Variants in CFAP299 observed in about 807,000 individuals in gnomAD.
The protein encoded by CFAP299 is cilia- and flagella-associated protein 299.
A neutral mutation model predicts 27.0 loss-of-function variants in CFAP299; 21 were observed. The observed-to-expected ratio is 0.78, with a 90% CI of 0.55 to 1.12. CFAP299 has a LOEUF of 1.12. Among genes scored for constraint, CFAP299 ranks in the 50% most tolerant of loss-of-function variants. The pLI, the probability that CFAP299 is intolerant of heterozygous loss-of-function variation, is 0.00. For missense variants in CFAP299, 310 were observed against 276.6 expected (o/e 1.12, Z -0.86); for synonymous variants, 104 against 98.1 (o/e 1.06, Z -0.36).
intron 3 of CFAP299, among the ~76,000 whole-genome samples, chr4:80,661,248 C>G (rs1357685506): frequency 6.6e-6 from 1 of 151,494 alleles, no homozygotes; most frequent in Non-Finnish European, 1.5e-5. Flanking sequence ...ATTGCTTGAA[C>G]CCAGGAGTCG....
At chr4:80,488,742 C>T (rs1730961187) in intron 2 of CFAP299, among the ~76,000 whole-genome samples, 1 of 152,190 alleles carries the variant, frequency 6.6e-6, no homozygotes, top group African/African-American at 2.4e-5. Context: ...TCCCAAAGTG[C>T]TGGGATTACA....
At chr4:80,422,163 T>A (rs1201349245) in intron 2 of CFAP299, among the ~76,000 whole-genome samples, 2 of 152,212 alleles carry the variant, frequency 1.3e-5, no homozygotes, top group Non-Finnish European at 2.9e-5. Flanking sequence ...GCAGACATGA[T>A]GCTCTCATTC....
intron 3 of CFAP299, among the ~76,000 whole-genome samples, chr4:80,627,864 G>T (rs561981572): frequency 6.6e-6 from 1 of 152,128 alleles, no homozygotes; most frequent in South Asian, 2.1e-4. Flanking sequence ...TATATTCTTT[G>T]TTCATAGATT....
intron 4 of CFAP299, among the ~76,000 whole-genome samples, chr4:80,925,194 T>G (rs968402363): frequency 1.3e-5 from 2 of 151,954 alleles, no homozygotes; most frequent in African/African-American, 4.8e-5. Flanking sequence ...TTGTTGAAGC[T>G]TTCTAATTTT....
At chr4:80,915,221 A>G (rs1735684576) in intron 4 of CFAP299, among the ~76,000 whole-genome samples, 1 of 151,738 alleles carries the variant, frequency 6.6e-6, no homozygotes, top group Non-Finnish European at 1.5e-5. Context: ...TAAAATTTTT[A>G]TTTCAGTTTG....
At chr4:80,815,656 T>C (rs1729384193) in intron 3 of CFAP299, among the ~76,000 whole-genome samples, 2 of 152,008 alleles carry the variant, frequency 1.3e-5, no homozygotes, top group African/African-American at 4.8e-5. Context: ...GTAAAATACA[T>C]ACTGTATTCA....
upstream of CFAP299, among the ~76,000 whole-genome samples, chr4:80,332,796 A>G (rs1488255884): frequency 6.6e-6 from 1 of 152,196 alleles, no homozygotes; most frequent in African/African-American, 2.4e-5. Flanking sequence ...GTGGCCGTCT[A>G]TTCACAGGTG....
chr4:80,463,625 G>T (rs943836591), intron 2 of CFAP299, among the ~76,000 whole-genome samples: 2 of 152,108 alleles, frequency 1.3e-5, no homozygotes, highest in South Asian at 2.1e-4. Context: ...GTAGATGGCT[G>T]CCTTCTTGCT....
At chr4:80,948,356 T>C (rs1015506989) in intron 5 of CFAP299, among the ~76,000 whole-genome samples, 1 of 152,166 alleles carries the variant, frequency 6.6e-6, no homozygotes, top group Non-Finnish European at 1.5e-5. Flanking sequence ...ACCACTGGCT[T>C]TAACTTCCCT....
chr4:80,956,642 G>C (rs1220687179), intron 5 of CFAP299, among the ~76,000 whole-genome samples: 1 of 149,790 alleles, frequency 6.7e-6, no homozygotes, highest in Admixed American at 6.7e-5. Context: ...TTTTTATAGT[G>C]ACAGTATGTT....
intron 3 of CFAP299, among the ~76,000 whole-genome samples, chr4:80,840,700 T>G (rs530849668): frequency 3.9e-5 from 6 of 152,122 alleles, no homozygotes; most frequent in Admixed American, 1.3e-4. Context: ...TCTGGACTTA[T>G]GAGCAAAGGA....
At chr4:80,500,460 A>T (rs565623255) in intron 2 of CFAP299, among the ~76,000 whole-genome samples, 1 of 152,232 alleles carries the variant, frequency 6.6e-6, no homozygotes, top group Admixed American at 6.5e-5. Context: ...TTAAGTTTAA[A>T]TCTGTGTAGG....
At chr4:80,930,198 G>T (rs747935004) in intron 4 of CFAP299, among the ~76,000 whole-genome samples, 18 of 152,120 alleles carry the variant, frequency 1.2e-4, no homozygotes, top group Admixed American at 1.2e-3. Flanking sequence ...AACCCAAAGG[G>T]ACAGGGTTCA....
intron 3 of CFAP299, among the ~76,000 whole-genome samples, chr4:80,590,569 G>A (rs540230650): frequency 4.6e-5 from 7 of 152,180 alleles, no homozygotes; most frequent in East Asian, 1.9e-4. Context: ...CCCGGGAGGC[G>A]GAGGTTGCAG....
Position 80,912,516 on chromosome 4 carries a change from G to A in CFAP299, c.477-32294G>A, listed in dbSNP as rs1735528287. On this transcript the variant is annotated intron_variant, in intron 4 of 5. Transcript: ENST00000358105. ...GAGGACATAGGCTTGGCCACCTCTG[G>A]GCTACTGTCTCCCTCATTGTGTGAG... Among the ~76,000 whole-genome samples the A allele has an allele frequency of 2.0e-5, 3 of 152,122 alleles. No individual in the cohort carries two copies. The South Asian group carries it at 6.2e-4, about 32-fold the overall frequency.
At chr4:80,408,397 T>C (rs2110058008) in intron 2 of CFAP299, among the ~76,000 whole-genome samples, 1 of 152,318 alleles carries the variant, frequency 6.6e-6, no homozygotes, top group South Asian at 2.1e-4. Flanking sequence ...AGTCATTTGG[T>C]CATTTCTTGG....
intron 3 of CFAP299, among the ~76,000 whole-genome samples, chr4:80,646,968 TGA>T (rs35062478): frequency 0.094 from 13,993 of 148,078 alleles, 1,245 homozygotes; most frequent in African/African-American, 0.22. Flanking sequence ...TCCAATTCTT[TGA>T]GAGAGAGAGA....
chr4:80,766,066 T>C (rs1725844924), intron 3 of CFAP299, among the ~76,000 whole-genome samples: 2 of 152,070 alleles, frequency 1.3e-5, no homozygotes, highest in Non-Finnish European at 2.9e-5. Context: ...ATCTTAAGAC[T>C]TGAGAAGCAC....
At chr4:80,518,913 C>G (rs1332751926) in intron 2 of CFAP299, among the ~76,000 whole-genome samples, 5 of 152,058 alleles carry the variant, frequency 3.3e-5, no homozygotes, top group Admixed American at 6.6e-5. Flanking sequence ...AGTACAAACA[C>G]TGAAGACATA....
Sources: gnomAD v4.1 joint callset for allele counts (sites outside exome capture counted in the v4.1 genomes callset) on GRCh38, gnomAD v4.1.1 for gene constraint, MANE v1.5 for transcripts, NCBI Gene and HGNC (gene_info 2026-07-23, HGNC 2026-07-21) for gene names.